Variants in NRCAM observed in about 807,000 individuals in gnomAD.
NRCAM encodes the protein NgCAM-related cell adhesion molecule.
NRCAM carries 83 observed loss-of-function variants against 156.5 expected under a neutral mutation model. That is an observed-to-expected ratio of 0.53 (90% CI 0.44 to 0.64). NRCAM has a LOEUF of 0.64. NRCAM is among the 30% of genes least tolerant of loss of function. NRCAM has a pLI of 0.00. For synonymous variants in NRCAM, 538 were observed against 563.9 expected, an observed-to-expected ratio of 0.95 and a Z score of 0.65; for missense variants, 1,417 against 1,597.3, an observed-to-expected ratio of 0.89 and a Z score of 1.92.
chr7:108,393,752 GT>G (rs2099768980), intron 2 of NRCAM, among the ~76,000 whole-genome samples: 1 of 152,162 alleles, frequency 6.6e-6, no homozygotes, highest in Non-Finnish European at 1.5e-5. Flanking sequence ...TTTATAGTAA[GT>G]GCCTGGGCTA....
Position 108,184,443 on chromosome 7 carries a change from G to C in NRCAM, c.2207C>G (p.Ser736Cys). 6.2e-7 allele frequency: 1 copy of C among 1,614,170 alleles called. No homozygotes were observed. Among genetic ancestry groups the C allele is most frequent in the East Asian group, 2.2e-5 (1 of 44,882 alleles). ...TGAGGCTTTCGTCAAATACTGCTCA[G>C]ACGCCTCGCTGGGCAAGCTCTTCCC... ...SIGKSLPSEA[S>C]EQYLTKASEP... The change falls in exon 21 of 33, where the codon TCT (serine) becomes TGT (cysteine). Residue 736 changes from serine (S) to cysteine (C), a missense_variant. Physicochemically the swap from Ser to Cys is moderately radical, Grantham distance 112. This residue lies in a region of NRCAM where 1,238 missense variants were observed against 1,336.4 expected (regional missense o/e 0.93). Coordinates refer to ENST00000379028, the MANE Select transcript of NRCAM (RefSeq NM_001037132.4).
chr7:108,240,307 C>G (rs2095439719), intron 3 of NRCAM, 137 bp from the exon 4 acceptor site: 1 of 338,768 alleles, frequency 3.0e-6, no homozygotes, highest in Admixed American at 4.6e-5. Context: ...AAATATTTAA[C>G]TCTCAAAACT....
At chr7:108,341,910 A>T (rs1427987631) in intron 2 of NRCAM, among the ~76,000 whole-genome samples, 1 of 152,136 alleles carries the variant, frequency 6.6e-6, no homozygotes, top group Non-Finnish European at 1.5e-5. Flanking sequence ...GCTGTACCTA[A>T]CCCTTATACT....
At chr7:108,152,421 G>GGA (rs372928603) in intron 32 of NRCAM, among the ~76,000 whole-genome samples, 18 of 151,072 alleles carry the variant, frequency 1.2e-4, no homozygotes, top group South Asian at 1.0e-3. Context: ...CTGGGGGGAG[G>GGA]GAGAGAGAGA....
chr7:108,415,832 A>G (rs995775964), intron 1 of NRCAM, among the ~76,000 whole-genome samples: 3 of 152,220 alleles, frequency 2.0e-5, no homozygotes, highest in Non-Finnish European at 2.9e-5. Flanking sequence ...CAGTGAGCTG[A>G]TATCACGCCA....
chr7:108,272,331 G>C (rs1260044083), intron 3 of NRCAM, among the ~76,000 whole-genome samples: 1 of 152,120 alleles, frequency 6.6e-6, no homozygotes, highest in Non-Finnish European at 1.5e-5. Context: ...ATTAATTTAA[G>C]TAAAAACACC....
chr7:108,193,276 G>C (rs1241539009), intron 17 of NRCAM, among the ~76,000 whole-genome samples: 1 of 152,210 alleles, frequency 6.6e-6, no homozygotes, highest in Non-Finnish European at 1.5e-5. Flanking sequence ...AGGCCACAGA[G>C]TTCTTCCAGG....
chr7:108,329,613 C>A (rs2099105782), intron 2 of NRCAM, among the ~76,000 whole-genome samples: 1 of 152,180 alleles, frequency 6.6e-6, no homozygotes, highest in Non-Finnish European at 1.5e-5. Context: ...GTTACATGAA[C>A]AATGGGTGAA....
intron 28 of NRCAM, among the ~76,000 whole-genome samples, chr7:108,170,111 A>G (rs780107401): frequency 2.0e-5 from 3 of 152,176 alleles, no homozygotes; most frequent in African/African-American, 4.8e-5. Context: ...CATTATTCAC[A>G]ATAGTCAAGA....
intron 3 of NRCAM, among the ~76,000 whole-genome samples, chr7:108,257,082 G>GGAAGGAAA (rs1269756523): frequency 6.7e-6 from 1 of 148,152 alleles, no homozygotes; most frequent in East Asian, 2.0e-4. Flanking sequence ...AAAGAAGGAA[G>GGAAGGAAA]GAAGGAAAGA....
intron 3 of NRCAM, among the ~76,000 whole-genome samples, chr7:108,255,147 G>T (rs1288003145): frequency 1.4e-5 from 2 of 140,814 alleles, no homozygotes; most frequent in African/African-American, 5.7e-5. Context: ...TGCTGAGTGA[G>T]CCTCTCCCTC....
intron 2 of NRCAM, among the ~76,000 whole-genome samples, chr7:108,315,056 C>G (rs1592985704): frequency 6.6e-6 from 1 of 151,528 alleles, no homozygotes; most frequent in African/African-American, 2.4e-5. Context: ...AAAATAAATA[C>G]AGATGAGAAA....
intron 2 of NRCAM, among the ~76,000 whole-genome samples, chr7:108,338,401 T>TTAGAGCC (rs2099230881): frequency 6.6e-6 from 1 of 152,194 alleles, no homozygotes; most frequent in South Asian, 2.1e-4. Context: ...CACTGTATCC[T>TTAGAGCC]TAGGCATCTA....
intron 24 of NRCAM, 64 bp from the exon 25 acceptor site, chr7:108,180,491 A>G (rs2062847259): frequency 7.5e-7 from 1 of 1,335,842 alleles, no homozygotes; most frequent in Admixed American, 1.9e-5. Context: ...TTATGCTCAC[A>G]AAATTGAAAC....
chr7:108,207,857 C>T (rs373961815), intron 12 of NRCAM, among the ~76,000 whole-genome samples, 198 bp from the exon 13 acceptor site: 4 of 152,132 alleles, frequency 2.6e-5, no homozygotes, highest in Non-Finnish European at 5.9e-5. Flanking sequence ...GACTCACTGA[C>T]GTATATGTAT....
chr7:108,299,139 A>AAAGG (rs374430932), intron 3 of NRCAM, among the ~76,000 whole-genome samples: 1 of 108,740 alleles, frequency 9.2e-6, no homozygotes, highest in African/African-American at 3.5e-5. Context: ...AGAAAGAAAG[A>AAAGG]AAAGAAAAGT....
Position 108,167,090 on chromosome 7 carries a change from A to G in NRCAM, c.3314-17T>C. The G allele has an allele frequency of 1.9e-6, 3 of 1,604,532 alleles. No individual in the cohort carries two copies. Among genetic ancestry groups the G allele is most frequent in the Non-Finnish European group, 1.7e-6 (2 of 1,173,852 alleles). On this transcript the variant is annotated splice_polypyrimidine_tract_variant and intron_variant, in intron 29 of 32. Coordinates refer to ENST00000379028, the MANE Select transcript of NRCAM (RefSeq NM_001037132.4). The stretch of plus-strand genomic sequence containing the variant: ...CTTCTTTGCCTATGGAAATTTTGCA[A>G]AAACAACACATTTGAATATTTTAAG...
chr7:108,223,660 C>T, intron 11 of NRCAM, 65 bp downstream of exon 11: 2 of 776,654 alleles, frequency 2.6e-6, no homozygotes, highest in East Asian at 2.6e-5. Flanking sequence ...TATTATTAAC[C>T]TCTCTCTACC....
chr7:108,431,504 T>C (rs973636616), intron 1 of NRCAM, among the ~76,000 whole-genome samples: 2 of 152,142 alleles, frequency 1.3e-5, no homozygotes, highest in Admixed American at 6.5e-5. Context: ...CAGGACTGGC[T>C]GGGTGTGGTG....
Sources: gnomAD v4.1 joint callset for allele counts (sites outside exome capture counted in the v4.1 genomes callset) on GRCh38, gnomAD v4.1.1 for gene constraint, gnomAD v4.1.1 regional missense constraint, MANE v1.5 for transcripts, NCBI Gene and HGNC (gene_info 2026-07-23, HGNC 2026-07-21) for gene names.